SLC39A11: variants seen among roughly 807,000 people sequenced by gnomAD.
The protein encoded by SLC39A11 is solute carrier family 39 member 11, also known as zinc transporter ZIP11.
In SLC39A11, 33 loss-of-function variants were observed where a neutral mutation model predicts 36.1. The observed-to-expected ratio is 0.91, with a 90% CI of 0.69 to 1.22. The LOEUF (loss-of-function observed/expected upper bound fraction) is 1.22, where lower values mean the gene tolerates loss of function less well. SLC39A11 is among the 50% of genes most tolerant of loss of function. The pLI is 0.00. For missense variants in SLC39A11, 432 were observed against 430.3 expected (o/e 1.00, Z -0.03); for synonymous variants, 166 against 170.3 (o/e 0.97, Z 0.20).
chr17:72,915,735 A>C (rs934998104), intron 5 of SLC39A11, among the ~76,000 whole-genome samples: 2 of 152,240 alleles, frequency 1.3e-5, no homozygotes, highest in African/African-American at 2.4e-5. Flanking sequence ...CCAGGGGCCC[A>C]GATGGTCCCA....
intron 6 of SLC39A11, among the ~76,000 whole-genome samples, chr17:72,740,279 A>G (rs13341132): frequency 0.044 from 6,627 of 151,880 alleles, 187 homozygotes; most frequent in African/African-American, 0.088. Context: ...GTTAGCCAGG[A>G]TGGTCTTGAT....
intron 7 of SLC39A11, among the ~76,000 whole-genome samples, chr17:72,665,407 T>TTTTTTTTTTTTTTG: frequency 2.0e-5 from 3 of 146,668 alleles, no homozygotes; most frequent in South Asian, 4.5e-4. Context: ...TTTTTTTTTT[T>TTTTTTTTTTTTTTG]TTTGAGACAG....
intron 4 of SLC39A11, among the ~76,000 whole-genome samples, chr17:72,959,235 A>T (rs2086440188): frequency 6.6e-6 from 1 of 150,874 alleles, no homozygotes; most frequent in Admixed American, 6.6e-5. Flanking sequence ...GTAGCAGCAC[A>T]ATTTACAACT....
intron 4 of SLC39A11, among the ~76,000 whole-genome samples, chr17:73,002,507 A>G (rs1423590675): frequency 6.6e-6 from 1 of 152,230 alleles, no homozygotes; most frequent in Non-Finnish European, 1.5e-5. Flanking sequence ...TAGATGACCA[A>G]AAGGTATTAG....
At chr17:72,737,498 C>T (rs371469784) in intron 6 of SLC39A11, among the ~76,000 whole-genome samples, 1 of 152,094 alleles carries the variant, frequency 6.6e-6, no homozygotes, top group South Asian at 2.1e-4. Context: ...ACACACAGGG[C>T]TTTATTTATT....
chr17:72,867,065 G>A (rs559556304), intron 5 of SLC39A11, among the ~76,000 whole-genome samples: 9 of 152,136 alleles, frequency 5.9e-5, no homozygotes, highest in Non-Finnish European at 1.3e-4. Flanking sequence ...CATTTGGGAG[G>A]TATCAAACAA....
intron 7 of SLC39A11, among the ~76,000 whole-genome samples, chr17:72,696,379 C>G (rs538182345): frequency 1.3e-5 from 2 of 152,274 alleles, no homozygotes; most frequent in East Asian, 3.9e-4. Flanking sequence ...AGGTACCTAC[C>G]AGGACAGCTG....
At chr17:72,977,874 T>C (rs1439873000) in intron 4 of SLC39A11, among the ~76,000 whole-genome samples, 1 of 152,194 alleles carries the variant, frequency 6.6e-6, no homozygotes, top group Non-Finnish European at 1.5e-5. Context: ...ACCAGCTGCC[T>C]GGGAGAGCGA....
chr17:73,039,353 G>A (rs2059033151), intron 3 of SLC39A11, among the ~76,000 whole-genome samples: 1 of 152,050 alleles, frequency 6.6e-6, no homozygotes, highest in South Asian at 2.1e-4. Context: ...CATCACTCGT[G>A]TCCATGTCCC....
rs561916082 is a variant in SLC39A11, at chr17:73,047,829, G to A, written c.148-16115C>T. 1.8e-3 allele frequency among the ~76,000 whole-genome samples: 273 copies of A among 151,042 alleles called. 2 individuals are homozygous for A. Among genetic ancestry groups the A allele is most frequent in the African/African-American group, 6.2e-3 (257 of 41,228 alleles). On this transcript the variant is annotated intron_variant, in intron 3 of 9. Coordinates refer to ENST00000255559, the MANE Select transcript of SLC39A11 (RefSeq NM_139177.4). The stretch of plus-strand genomic sequence containing the variant: ...CTAAAAATACAAAAATTAGCTGGGC[G>A]TGGTGGCATGTGCCTGTAATCCCAG...
At chr17:72,862,577 A>G (rs1413933866) in intron 5 of SLC39A11, among the ~76,000 whole-genome samples, 4 of 152,168 alleles carry the variant, frequency 2.6e-5, no homozygotes, top group African/African-American at 4.8e-5. Flanking sequence ...ATGGAAAACA[A>G]ATGCCATTCA....
At chr17:72,908,932 A>G (rs1462111072) in intron 5 of SLC39A11, among the ~76,000 whole-genome samples, 1 of 152,236 alleles carries the variant, frequency 6.6e-6, no homozygotes, top group Non-Finnish European at 1.5e-5. Context: ...ACGGGAGCCA[A>G]GCCTGGTCAT....
intron 7 of SLC39A11, chr17:72,712,929 G>C (rs1457208070): frequency 6.6e-6 from 1 of 152,380 alleles, no homozygotes; most frequent in African/African-American, 2.4e-5. Context: ...GGTGAAGTCA[G>C]TCGGTGTCAG....
At chr17:72,744,491 A>G (rs1327823510) in intron 6 of SLC39A11, among the ~76,000 whole-genome samples, 1 of 152,262 alleles carries the variant, frequency 6.6e-6, no homozygotes, top group Non-Finnish European at 1.5e-5. Flanking sequence ...CTAGGAAAGC[A>G]AACAATAAAA....
At chr17:72,866,750 T>G (rs1027321712) in intron 5 of SLC39A11, among the ~76,000 whole-genome samples, 3 of 152,252 alleles carry the variant, frequency 2.0e-5, no homozygotes, top group African/African-American at 7.2e-5. Flanking sequence ...GAATGCCAAC[T>G]AATTAGAATA....
chr17:73,084,798 T>A lies in SLC39A11; in HGVS notation c.147+10A>T, dbSNP rs1201941823. The A allele has an allele frequency of 6.2e-7, 1 of 1,614,006 alleles. No individual in the cohort carries two copies. Among genetic ancestry groups the A allele is most frequent in the African/African-American group, 1.3e-5 (1 of 75,014 alleles). ...CTCAATTTCCATTTCTCCTACTACA[T>A]GCTACTTACCCCTGCAGCAAAGCCA... is the stretch of plus-strand genomic sequence containing the variant. On this transcript the variant is annotated intron_variant, in intron 3 of 9. Transcript: ENST00000255559.
chr17:72,939,040 A>G (rs145872609), intron 5 of SLC39A11, among the ~76,000 whole-genome samples: 17 of 152,142 alleles, frequency 1.1e-4, no homozygotes, highest in Admixed American at 8.5e-4. Flanking sequence ...TAAGACAAAC[A>G]TGGCGCCTCA....
chr17:72,938,427 G>C (rs544428752), intron 5 of SLC39A11, among the ~76,000 whole-genome samples: 1 of 152,248 alleles, frequency 6.6e-6, no homozygotes, highest in East Asian at 1.9e-4. Flanking sequence ...TTTCCTCCCA[G>C]CTTCACAGGC....
chr17:72,909,245 C>T (rs2082834981), intron 5 of SLC39A11, among the ~76,000 whole-genome samples: 1 of 152,234 alleles, frequency 6.6e-6, no homozygotes, highest in African/African-American at 2.4e-5. Flanking sequence ...GTTGAGATTA[C>T]AGGCGTCAGC....
Sources: allele counts gnomAD v4.1 joint callset (sites outside exome capture counted in the v4.1 genomes callset), GRCh38; gene constraint gnomAD v4.1.1; transcripts MANE v1.5; gene names NCBI Gene and HGNC (gene_info 2026-07-23, HGNC 2026-07-21).